The following MYBPC1 variants were observed in gnomAD, a reference collection of about 807,000 sequenced individuals.
MYBPC1 encodes myosin binding protein C1.
In MYBPC1, 52 loss-of-function variants were observed where a neutral mutation model predicts 147.1. The ratio of observed to expected loss-of-function variants is 0.35; its 90% confidence interval spans 0.28 to 0.45. The LOEUF (loss-of-function observed/expected upper bound fraction) is 0.45. Ranked by LOEUF, MYBPC1 falls within the 20% of genes least tolerant of loss-of-function variation. The probability of loss-of-function intolerance (pLI) is 1.00; values close to 1 mark genes in which losing one functional copy is unlikely to be tolerated. For missense variants in MYBPC1, 1,228 were observed against 1,440.3 expected (o/e 0.85, Z 2.39); for synonymous variants, 477 against 475.9 (o/e 1.00, Z -0.03).
At chr12:101,610,995 G>A (rs1884078629) in intron 1 of MYBPC1, among the ~76,000 whole-genome samples, 1 of 152,162 alleles carries the variant, frequency 6.6e-6, no homozygotes, top group African/African-American at 2.4e-5. Flanking sequence ...AGAGTTGTAA[G>A]GATTATAAGG....
At chr12:101,641,102 A>C (rs1891925832) in intron 10 of MYBPC1, among the ~76,000 whole-genome samples, 1 of 137,886 alleles carries the variant, frequency 7.3e-6, no homozygotes, top group South Asian at 2.5e-4. Context: ...ACAGAGTGAG[A>C]CTCTGTCTCA....
downstream of MYBPC1, among the ~76,000 whole-genome samples, chr12:101,688,964 A>G (rs528915634): frequency 4.1e-3 from 527 of 128,854 alleles, 8 homozygotes; most frequent in African/African-American, 0.013. Context: ...AAAAAAAAAA[A>G]AAAAGAAAAA....
chr12:101,662,757 C>T (rs572214412), intron 21 of MYBPC1, among the ~76,000 whole-genome samples: 66 of 152,318 alleles, frequency 4.3e-4, no homozygotes, highest in Non-Finnish European at 8.2e-4. Flanking sequence ...CCCTGGAATT[C>T]GTTACCATAA....
At chr12:101,619,605 G>C (rs1464870899) in intron 3 of MYBPC1, among the ~76,000 whole-genome samples, 1 of 152,154 alleles carries the variant, frequency 6.6e-6, no homozygotes, top group African/African-American at 2.4e-5. Flanking sequence ...TGGGTAGGAG[G>C]ATGAACATCC....
chr12:101,683,897 G>A (rs944236188), intron 30 of MYBPC1, among the ~76,000 whole-genome samples: 2 of 152,082 alleles, frequency 1.3e-5, no homozygotes, highest in Non-Finnish European at 2.9e-5. Flanking sequence ...ATTCCATGCA[G>A]AATACAATAT....
At chr12:101,649,978 T>A (rs1386824335) in intron 15 of MYBPC1, among the ~76,000 whole-genome samples, 1 of 152,234 alleles carries the variant, frequency 6.6e-6, no homozygotes, top group Non-Finnish European at 1.5e-5. Context: ...CTCAAGATGA[T>A]GTCACAAAAA....
chr12:101,613,225 A>G (rs940551492), intron 1 of MYBPC1, among the ~76,000 whole-genome samples: 1 of 152,192 alleles, frequency 6.6e-6, no homozygotes, highest in Non-Finnish European at 1.5e-5. Context: ...GGTGCAATCC[A>G]TTCATTTTTC....
intron 3 of MYBPC1, among the ~76,000 whole-genome samples, chr12:101,623,702 A>G (rs542909866): frequency 6.6e-6 from 1 of 152,366 alleles, no homozygotes; most frequent in East Asian, 1.9e-4. Context: ...TAATTTTTAC[A>G]GGACTTTAAA....
the MYBPC1 span, among the ~76,000 whole-genome samples, chr12:101,693,007 C>T: frequency 5.6e-5 from 8 of 142,278 alleles, no homozygotes; most frequent in South Asian, 4.4e-4. Flanking sequence ...AGTGCAGTGG[C>T]GCGATCTCAG....
At chr12:101,606,937 AC>A (rs1239804423) in intron 1 of MYBPC1, among the ~76,000 whole-genome samples, 1 of 151,774 alleles carries the variant, frequency 6.6e-6, no homozygotes, top group Non-Finnish European at 1.5e-5. Context: ...CAATCTTCCC[AC>A]CTCAGCCTCC....
chr12:101,663,025 CA>C (rs879850545), intron 21 of MYBPC1, among the ~76,000 whole-genome samples: 50 of 141,040 alleles, frequency 3.5e-4, no homozygotes, highest in Admixed American at 7.7e-4. Context: ...TCAGTGAAGG[CA>C]AAAAAAAAAG....
rs771974064 is a variant in MYBPC1, at chr12:101,673,439, C to T, written c.2626C>T (p.Pro876Ser). 2.2e-5 allele frequency: 36 copies of T among 1,612,626 alleles called. No homozygotes were observed. Among genetic ancestry groups the T allele is most frequent in the Non-Finnish European group, 3.1e-5 (36 of 1,179,910 alleles). ...TCTTTCTTTTTAGGGAAAACCAAGA[C>T]CAGAATTAACTTGGAAGAAGGATGG... Reference protein sequence around the residue: ...LVIPFQGKPRPELTWKKDGAE... With the variant: ...LVIPFQGKPRSELTWKKDGAE... The change falls in exon 25 of 32, where the codon CCA (proline) becomes TCA (serine). Residue 876 changes from proline (P) to serine (S), a missense_variant. This residue lies in a region of MYBPC1 where 1,077 missense variants were observed against 1,314.2 expected (regional missense o/e 0.82). Transcript: ENST00000361466.
At chr12:101,601,441 G>A (rs1879915791) in intron 1 of MYBPC1, among the ~76,000 whole-genome samples, 1 of 152,152 alleles carries the variant, frequency 6.6e-6, no homozygotes, top group Admixed American at 6.6e-5. Flanking sequence ...CATTTTCAGA[G>A]TAAACTTTTA....
rs777012206 is a variant in MYBPC1 at position 101,632,113 on chromosome 12, C to T, written c.531C>T (p.Ser177=). Residue 177 remains serine (S), a synonymous_variant, in exon 8 of 32, where the codon AGC becomes AGT. Coordinates refer to ENST00000361466, the MANE Select transcript of MYBPC1 (RefSeq NM_002465.4). Reference sequence around the variant, plus strand: ...TCACCTATAAGGATAAGTTTGACAGCTGTTCATTTGATCTTGAAGTGCACG... The same window carrying T: ...TCACCTATAAGGATAAGTTTGACAGTTGTTCATTTGATCTTGAAGTGCACG... ...CEVTYKDKFD[S]CSFDLEVHES... 6.2e-6 allele frequency: 10 copies of T among 1,612,782 alleles called. No individual in the cohort carries two copies. The highest frequency in any genetic ancestry group is 8.5e-6 in the Non-Finnish European group (10 of 1,178,886).
chr12:101,693,189 A>G, the MYBPC1 span, among the ~76,000 whole-genome samples: 3 of 151,904 alleles, frequency 2.0e-5, no homozygotes, highest in South Asian at 2.1e-4. Flanking sequence ...CTCGTGATCC[A>G]CCCGCCTTGG....
chr12:101,614,720 G>A (rs766280687), intron 2 of MYBPC1, 189 bp downstream of exon 2: 10 of 639,618 alleles, frequency 1.6e-5, no homozygotes, highest in Non-Finnish European at 2.8e-5. Context: ...TAATCCTCTT[G>A]TGTTAATCTA....
chr12:101,673,419 CT>C lies in MYBPC1; in HGVS notation c.2614-3del. 1 of 1,611,658 alleles carries C rather than the reference CT, an allele frequency of 6.2e-7. No individual in the cohort carries two copies. The highest frequency in any genetic ancestry group is 1.3e-5 in the African/African-American group (1 of 74,948). On this transcript the variant is annotated splice_region_variant and splice_polypyrimidine_tract_variant and intron_variant, in intron 24 of 31. Transcript: ENST00000361466. ...TACCCTCTCTACTTTTGCTGTCTTT[CT>C]TTTTAGGGAAAACCAAGACCAGAAT...
At chr12:101,615,359 C>A (rs56143951) in intron 2 of MYBPC1, among the ~76,000 whole-genome samples, 18,332 of 152,044 alleles carry the variant, frequency 0.12, 1,252 homozygotes, top group African/African-American at 0.16. Context: ...CCTTCCTCAT[C>A]CCTCTTCCTC....
At chr12:101,634,507 T>C (rs1187042791) in intron 8 of MYBPC1, 47 bp from the exon 9 acceptor site, 1 of 1,465,344 alleles carries the variant, frequency 6.8e-7, no homozygotes, top group East Asian at 2.3e-5. Context: ...GAACACAAAC[T>C]ACCTCCTTAA....
Sources: gnomAD v4.1 joint callset for allele counts (sites outside exome capture counted in the v4.1 genomes callset) on GRCh38, gnomAD v4.1.1 for gene constraint, gnomAD v4.1.1 regional missense constraint, MANE v1.5 for transcripts, NCBI Gene and HGNC (gene_info 2026-07-23, HGNC 2026-07-21) for gene names.